Variants in YPEL2 observed in about 807,000 individuals in gnomAD.
YPEL2 encodes the protein protein yippee-like 2.
Under a neutral mutation model 19.1 loss-of-function variants are expected in YPEL2, and 2 were observed. The observed-to-expected ratio is 0.10, with a 90% CI of 0.04 to 0.33. YPEL2 has a LOEUF of 0.33. YPEL2 is among the 10% of genes least tolerant of loss of function. The pLI is 1.00. For missense variants in YPEL2, 66 were observed against 140.7 expected (o/e 0.47, Z 2.68); for synonymous variants, 52 against 50.0 (o/e 1.04, Z -0.17).
At chr17:59,393,269 A>G (rs993305018) in intron 4 of YPEL2, among the ~76,000 whole-genome samples, 4 of 150,036 alleles carry the variant, frequency 2.7e-5, no homozygotes, top group Non-Finnish European at 4.4e-5. Context: ...TTAGGACCAC[A>G]GGTGCATGAC....
At chr17:59,381,847 G>A (rs981988916) in intron 2 of YPEL2, among the ~76,000 whole-genome samples, 1 of 152,166 alleles carries the variant, frequency 6.6e-6, no homozygotes, top group African/African-American at 2.4e-5. Flanking sequence ...AAACAAATGT[G>A]TCTGACAGTC....
chr17:59,381,742 CAA>C (rs1469309057), intron 2 of YPEL2, among the ~76,000 whole-genome samples: 1 of 152,138 alleles, frequency 6.6e-6, no homozygotes, highest in Non-Finnish European at 1.5e-5. Flanking sequence ...GCTTAAAAAA[CAA>C]AACAAAAACC....
At chr17:59,351,534 C>G (rs1182482725) in intron 1 of YPEL2, among the ~76,000 whole-genome samples, 9 of 152,068 alleles carry the variant, frequency 5.9e-5, no homozygotes, top group Admixed American at 3.3e-4. Flanking sequence ...CCAGAGTGTG[C>G]CCAGGGTGTG....
intron 4 of YPEL2, among the ~76,000 whole-genome samples, chr17:59,392,029 G>C (rs568483146): frequency 1.6e-4 from 24 of 152,132 alleles, no homozygotes; most frequent in Non-Finnish European, 2.8e-4. Flanking sequence ...TATTCCCTCT[G>C]TACAGTCACG....
Position 59,400,346 on chromosome 17 carries a change from A to AT in YPEL2, c.*3162dup, listed in dbSNP as rs1292846796. On this transcript the variant is annotated 3_prime_UTR_variant, in exon 5 of 5. Transcript: ENST00000312655. ...AATATACTTTTGTAAATAATATTTA[A>AT]TTTTTTAAATAATATATTTGGTGCT... 1.3e-5 allele frequency: 2 copies of AT among 152,590 alleles called. No individual in the cohort carries two copies. The highest frequency in any genetic ancestry group is 6.5e-5 in the Admixed American group (1 of 15,272). 9.5% of individuals were successfully genotyped at this position (152,590 alleles called of 1,614,324 possible).
At chr17:59,331,961 C>T (rs1259252729) in intron 1 of YPEL2, 137 bp downstream of exon 1, 1 of 151,066 alleles carries the variant, frequency 6.6e-6, no homozygotes, top group Non-Finnish European at 1.5e-5. Flanking sequence ...GCGGCGCCCT[C>T]GGTTCCGCGT....
Position 59,400,793 on chromosome 17 carries a change from C to T in YPEL2, c.*3603C>T, listed in dbSNP as rs573432811. The T allele has an allele frequency of 6.5e-6, 1 of 152,678 alleles. No individual in the cohort carries two copies. The highest frequency in any genetic ancestry group is 2.1e-4 in the South Asian group (1 of 4,818). 9.5% of individuals were successfully genotyped at this position (152,678 alleles called of 1,614,324 possible). A position where few individuals can be genotyped will look rare whatever the true frequency, so the allele number is the denominator to read the frequency against. On this transcript the variant is annotated 3_prime_UTR_variant, in exon 5 of 5. Transcript: ENST00000312655. ...CTTTCGATTGTGCCTCCTGTTTTCT[C>T]GAGTGGGGACACTTTAACTACAGTT...
At chr17:59,368,080 G>A (rs937479693) in intron 2 of YPEL2, among the ~76,000 whole-genome samples, 11 of 152,040 alleles carry the variant, frequency 7.2e-5, no homozygotes, top group African/African-American at 2.7e-4. Flanking sequence ...TACAGAAATG[G>A]ATGAAATTCT....
chr17:59,353,236 A>C lies in YPEL2; in HGVS notation c.-174A>C. On this transcript the variant is annotated 5_prime_UTR_variant, in exon 2 of 5. Coordinates refer to ENST00000312655, the MANE Select transcript of YPEL2 (RefSeq NM_001005404.4). This position sits in a 1 kb window ranked among gnomAD's most constrained non-coding sequence, Gnocchi z 4.8. ...ACAGGCTGCTGAGAACTAGCCCTAGACCTCTGCGTGAGGGTTCTTCTGCCG... is the reference window on the plus strand; with the variant it reads ...ACAGGCTGCTGAGAACTAGCCCTAGCCCTCTGCGTGAGGGTTCTTCTGCCG... 1.7e-6 allele frequency: 1 copy of C among 572,978 alleles called. No homozygotes were observed. The highest frequency in any genetic ancestry group is 3.1e-6 in the Non-Finnish European group (1 of 321,562). The allele number at this position is 572,978 out of a possible 1,614,324, so 35.5% of individuals were successfully genotyped here.
intron 1 of YPEL2, among the ~76,000 whole-genome samples, chr17:59,332,773 C>G (rs777136123): frequency 7.9e-5 from 12 of 152,324 alleles, no homozygotes; most frequent in Non-Finnish European, 1.3e-4. Context: ...CGCCCGCCCC[C>G]CAGTCCCGCC....
intron 2 of YPEL2, among the ~76,000 whole-genome samples, chr17:59,387,823 GA>G (rs1567759203): frequency 6.6e-6 from 1 of 152,204 alleles, no homozygotes; most frequent in Admixed American, 6.5e-5. Flanking sequence ...CATGACAAGC[GA>G]TAAGTGTGGG....
chr17:59,389,937 G>T (rs1464880941), intron 4 of YPEL2, among the ~76,000 whole-genome samples: 1 of 152,078 alleles, frequency 6.6e-6, no homozygotes. Flanking sequence ...CTCAAAGGAC[G>T]TGACCATGTA....
intron 2 of YPEL2, among the ~76,000 whole-genome samples, chr17:59,364,121 C>T (rs1168921314): frequency 1.3e-5 from 2 of 152,172 alleles, no homozygotes; most frequent in Admixed American, 6.5e-5. Flanking sequence ...AATTGTCTTG[C>T]TTCCTAACAA....
At chr17:59,350,806 T>A (rs1474052654) in intron 1 of YPEL2, among the ~76,000 whole-genome samples, 1 of 152,200 alleles carries the variant, frequency 6.6e-6, no homozygotes, top group Non-Finnish European at 1.5e-5. Context: ...TCTGCATGTA[T>A]AAGAAAACAG....
Position 59,333,128 on chromosome 17 carries a change from G to A in YPEL2, c.-196+1304G>A, listed in dbSNP as rs144982488. On this transcript the variant is annotated intron_variant, in intron 1 of 4. Transcript: ENST00000312655. ...TGCTTTCCTGCCTCTGGGGGCCACA[G>A]GGCCTATGAATGGCTGAGTCTTGCC... Among the ~76,000 whole-genome samples the A allele has an allele frequency of 5.0e-3, 766 of 152,362 alleles. 9 individuals carry two copies. Among genetic ancestry groups the A allele is most frequent in the African/African-American group, 0.017 (695 of 41,588 alleles).
chr17:59,387,064 A>C (rs1388516666), intron 2 of YPEL2, among the ~76,000 whole-genome samples: 4 of 152,100 alleles, frequency 2.6e-5, no homozygotes, highest in Non-Finnish European at 4.4e-5. Flanking sequence ...GTTGAAGACC[A>C]GTCTGGCCAA....
At chr17:59,388,514 G>A (rs2047992388) in intron 3 of YPEL2, 144 bp downstream of exon 3, 2 of 834,918 alleles carry the variant, frequency 2.4e-6, no homozygotes, top group Admixed American at 1.9e-5. Flanking sequence ...ACAATTGGTA[G>A]TCAGTTACCT....
At chr17:59,339,049 C>G (rs2047713729) in intron 1 of YPEL2, among the ~76,000 whole-genome samples, 1 of 152,002 alleles carries the variant, frequency 6.6e-6, no homozygotes, top group South Asian at 2.1e-4. Context: ...CTTGCTCTTT[C>G]TGTTTTTGCT....
intron 2 of YPEL2, among the ~76,000 whole-genome samples, chr17:59,368,258 A>G (rs978869762): frequency 5.9e-5 from 9 of 151,876 alleles, no homozygotes; most frequent in Admixed American, 1.3e-4. Flanking sequence ...TAATTTTTCT[A>G]TTTTTTGTAG....
Sources: allele counts gnomAD v4.1 joint callset (sites outside exome capture counted in the v4.1 genomes callset), GRCh38; gene constraint gnomAD v4.1.1; non-coding constraint Gnocchi (gnomAD v3.1); transcripts MANE v1.5; gene names NCBI Gene and HGNC (gene_info 2026-07-23, HGNC 2026-07-21).